The following NFKB1 variants were observed in gnomAD, a reference collection of about 807,000 sequenced individuals.
NFKB1 encodes nuclear factor kappa B subunit 1.
NFKB1 carries 9 observed loss-of-function variants against 105.1 expected under a neutral mutation model. That is an observed-to-expected ratio of 0.09 (90% CI 0.05 to 0.15). The LOEUF is 0.15. Among genes scored for constraint, NFKB1 ranks in the 10% least tolerant of loss-of-function variants. The pLI is 1.00. For synonymous variants in NFKB1, 440 were observed against 442.2 expected (o/e 1.00, Z 0.06); for missense variants, 830 against 1,203.7 (o/e 0.69, Z 4.59).
Position 102,596,292 on chromosome 4 carries a change from G to C in NFKB1, c.1455G>C (p.Thr485=). 1 of 1,612,432 alleles carries C rather than the reference G, an allele frequency of 6.2e-7. No homozygotes were observed. Among genetic ancestry groups the C allele is most frequent in the Non-Finnish European group, 8.5e-7 (1 of 1,178,882 alleles). ...ATVGNGEVTL[T]YATGTKEESA... is the part of the protein sequence containing the mutation. ...TTGGGAATGGTGAGGTCACTCTAAC[G>C]TATGCAACAGGAACAAAAGAAGAGA... Residue 485 remains threonine (T), a synonymous_variant, in exon 14 of 24, where the codon ACG becomes ACC. Transcript: ENST00000226574.
At chr4:102,549,003 T>C (rs1220106436) in intron 5 of NFKB1, among the ~76,000 whole-genome samples, 5 of 152,136 alleles carry the variant, frequency 3.3e-5, no homozygotes, top group Non-Finnish European at 4.4e-5. Flanking sequence ...ACAAACATAT[T>C]GTGGCATTGA....
At chr4:102,571,746 C>T (rs544637516) in intron 6 of NFKB1, among the ~76,000 whole-genome samples, 2 of 152,214 alleles carry the variant, frequency 1.3e-5, no homozygotes, top group African/African-American at 2.4e-5. Flanking sequence ...CTCTCATTAT[C>T]ACTGGCCATC....
At chr4:102,595,029 A>G in intron 13 of NFKB1, 48 bp downstream of exon 13, 1 of 1,321,382 alleles carries the variant, frequency 7.6e-7, no homozygotes, top group Non-Finnish European at 1.1e-6. Flanking sequence ...AAAATAATTA[A>G]TGCTAAAAAG....
At chr4:102,578,771 G>A in intron 7 of NFKB1, 110 bp from the exon 8 acceptor site, 2 of 1,160,076 alleles carry the variant, frequency 1.7e-6, no homozygotes, top group Non-Finnish European at 2.4e-6. Flanking sequence ...TTCAAAAGAG[G>A]AAAAATGGGT....
chr4:102,587,115 T>C (rs759359902), intron 11 of NFKB1, among the ~76,000 whole-genome samples: 7 of 152,208 alleles, frequency 4.6e-5, no homozygotes, highest in Non-Finnish European at 1.0e-4. Context: ...ATGGTAGGCT[T>C]TGATTAAAAT....
intron 6 of NFKB1, 78 bp downstream of exon 6, chr4:102,567,213 C>T (rs1025167530): frequency 1.5e-5 from 23 of 1,487,372 alleles, no homozygotes; most frequent in African/African-American, 4.2e-5. Context: ...TGAACAGGCC[C>T]CTTTCATTAG....
intron 1 of NFKB1, among the ~76,000 whole-genome samples, chr4:102,525,224 C>G (rs567184825): frequency 2.0e-5 from 3 of 151,702 alleles, no homozygotes; most frequent in African/African-American, 7.2e-5. Flanking sequence ...ATTTTTTATA[C>G]AAAGCATAAA....
At chr4:102,612,253 A>G (rs1728493308) in intron 21 of NFKB1, 143 bp downstream of exon 21, 1 of 954,194 alleles carries the variant, frequency 1.0e-6, no homozygotes, top group African/African-American at 1.6e-5. Flanking sequence ...TAAGGAGAAT[A>G]TCCAGTTTTA....
At chr4:102,576,549 A>T (rs1044484529) in intron 6 of NFKB1, among the ~76,000 whole-genome samples, 3 of 152,112 alleles carry the variant, frequency 2.0e-5, no homozygotes, top group African/African-American at 7.2e-5. Context: ...AACCAATCTG[A>T]CCTGATGTGT....
chr4:102,578,666 G>A, intron 7 of NFKB1: 1 of 523,588 alleles, frequency 1.9e-6, no homozygotes, highest in East Asian at 3.0e-5. Flanking sequence ...AGTTTTTACT[G>A]TAATCCGGAG....
chr4:102,583,633 A>G (rs1193039476), intron 10 of NFKB1, among the ~76,000 whole-genome samples: 1 of 152,220 alleles, frequency 6.6e-6, no homozygotes, highest in East Asian at 1.9e-4. Context: ...TCTAGGAGTC[A>G]TCTTCTAATT....
At chr4:102,605,693 G>T (rs574766529) in intron 16 of NFKB1, among the ~76,000 whole-genome samples, 1 of 152,284 alleles carries the variant, frequency 6.6e-6, no homozygotes, top group Non-Finnish European at 1.5e-5. Context: ...GTACCTATTA[G>T]GTATCAGCAG....
At chr4:102,592,137 G>T (rs1333219501) in intron 11 of NFKB1, among the ~76,000 whole-genome samples, 1 of 152,212 alleles carries the variant, frequency 6.6e-6, no homozygotes, top group Non-Finnish European at 1.5e-5. Flanking sequence ...TTGAGGAATT[G>T]CTTCTTATGG....
At chr4:102,597,422 G>A in intron 14 of NFKB1, 98 bp from the exon 15 acceptor site, 1 of 1,259,570 alleles carries the variant, frequency 7.9e-7, no homozygotes, top group East Asian at 2.4e-5. Context: ...ATGTCAAGGT[G>A]TCAGAACACT....
chr4:102,508,476 T>C (rs1739570152), intron 1 of NFKB1, among the ~76,000 whole-genome samples: 1 of 152,120 alleles, frequency 6.6e-6, no homozygotes, highest in East Asian at 1.9e-4. Context: ...AGCAATTGAT[T>C]TACGTAAAAT....
intron 6 of NFKB1, among the ~76,000 whole-genome samples, chr4:102,568,994 G>A (rs1215605462): frequency 1.3e-5 from 2 of 152,106 alleles, no homozygotes; most frequent in African/African-American, 4.8e-5. Context: ...CCACTTGAGA[G>A]TTACAATAGA....
At chr4:102,534,398 G>C (rs530800980) in intron 4 of NFKB1, among the ~76,000 whole-genome samples, 1 of 152,252 alleles carries the variant, frequency 6.6e-6, no homozygotes, top group South Asian at 2.1e-4. Flanking sequence ...ATGTTAGAAT[G>C]AACTATTGAA....
chr4:102,523,728 AATC>A (rs1476639497), intron 1 of NFKB1, among the ~76,000 whole-genome samples: 6 of 152,106 alleles, frequency 3.9e-5, no homozygotes, highest in African/African-American at 1.4e-4. Flanking sequence ...CTAGGCTATT[AATC>A]ATCATGTTTT....
At chr4:102,561,274 T>TG (rs1425336388) in intron 5 of NFKB1, among the ~76,000 whole-genome samples, 15 of 98,264 alleles carry the variant, frequency 1.5e-4, no homozygotes, top group African/African-American at 7.9e-4. Flanking sequence ...CCTTTTTTTT[T>TG]TTTTTTTTGT....
Sources: allele counts gnomAD v4.1 joint callset (sites outside exome capture counted in the v4.1 genomes callset), GRCh38; gene constraint gnomAD v4.1.1; transcripts MANE v1.5; gene names NCBI Gene and HGNC (gene_info 2026-07-23, HGNC 2026-07-21).